NEMP2: variants seen among roughly 807,000 people sequenced by gnomAD.
The protein encoded by NEMP2 is UPF0571 transmembrane protein.
A neutral mutation model predicts 54.2 loss-of-function variants in NEMP2; 53 were observed. That is an observed-to-expected ratio of 0.98 (90% CI 0.78 to 1.23). NEMP2 has a LOEUF of 1.23. NEMP2 is among the 50% of genes most tolerant of loss of function. The probability of loss-of-function intolerance (pLI) is 0.00; values close to 1 mark genes in which losing one functional copy is unlikely to be tolerated. For missense variants in NEMP2, 455 were observed against 511.3 expected, an observed-to-expected ratio of 0.89 and a Z score of 1.06; for synonymous variants, 197 against 190.3, an observed-to-expected ratio of 1.04 and a Z score of -0.29.
chr2:190,552,903 T>G, the NEMP2 span, among the ~76,000 whole-genome samples: 3 of 152,240 alleles, frequency 2.0e-5, no homozygotes, highest in Admixed American at 2.0e-4. Flanking sequence ...TTCAGTCTAC[T>G]GCTGGTATGG....
At chr2:190,482,903 T>TTTTTTTTTTTTTG in the NEMP2 span, among the ~76,000 whole-genome samples, 827 of 86,198 alleles carry the variant, frequency 9.6e-3, 293 homozygotes, top group East Asian at 0.016. Flanking sequence ...TTTTTTTTTT[T>TTTTTTTTTTTTTG]AGACGGAGTC....
In NEMP2 at chr2:190,534,566, C is replaced by T; in HGVS notation, c.90G>A (p.Ala30=). The T allele has an allele frequency of 3.6e-6, 5 of 1,401,380 alleles. No individual in the cohort carries two copies. The highest frequency in any genetic ancestry group is 3.0e-5 in the African/African-American group (2 of 66,436). The allele number at this position is 1,401,380 out of a possible 1,614,324, so 86.8% of individuals were successfully genotyped here. The stretch of plus-strand genomic sequence containing the variant: ...CCGCCGGTCCCGGGTTACCTGATAA[C>T]GCTGCCGCCGCCGCCTCCCCGCGCA... ...LPVRGEAAAA[A]LSVRRCKALK... The change falls in exon 1 of 9, where the codon GCG becomes GCA. Residue 30 remains alanine (A), a synonymous_variant. Transcript: ENST00000409150.
chr2:190,626,425 C>A, the NEMP2 span: 3 of 152,140 alleles, frequency 2.0e-5, no homozygotes, highest in South Asian at 2.1e-4. This position sits in a 1 kb window ranked among gnomAD's most constrained non-coding sequence, Gnocchi z 4.5. Flanking sequence ...CTGAGGAATG[C>A]CCTTTTATAT....
the NEMP2 span, among the ~76,000 whole-genome samples, chr2:190,621,057 T>G: frequency 4.5e-3 from 487 of 108,880 alleles, 6 homozygotes; most frequent in African/African-American, 0.017. Context: ...GTAAAAGATC[T>G]AAAAGATCTA....
chr2:190,436,228 G>T, the NEMP2 span: 1 of 1,614,000 alleles, frequency 6.2e-7, no homozygotes, highest in South Asian at 1.1e-5. This position sits in a 1 kb window ranked among gnomAD's most constrained non-coding sequence, Gnocchi z 5.3. Flanking sequence ...GATAAACAAC[G>T]ATCTTCTAAT....
At chr2:190,589,433 T>C in the NEMP2 span, among the ~76,000 whole-genome samples, 3 of 152,192 alleles carry the variant, frequency 2.0e-5, no homozygotes, top group Admixed American at 6.5e-5. The surrounding 1 kb of genome is among the most constrained non-coding windows in gnomAD (Gnocchi z 4.3). Flanking sequence ...ACTAGTCAAA[T>C]GTGATGAAAA....
the NEMP2 span, chr2:190,646,636 T>C: frequency 6.6e-6 from 1 of 152,238 alleles, no homozygotes; most frequent in Non-Finnish European, 1.5e-5. Context: ...CCATTCTTAA[T>C]GTGGGAAGAA....
the NEMP2 span, among the ~76,000 whole-genome samples, chr2:190,498,670 G>A: frequency 2.6e-5 from 4 of 152,170 alleles, no homozygotes; most frequent in African/African-American, 7.2e-5. This position sits in a 1 kb window ranked among gnomAD's most constrained non-coding sequence, Gnocchi z 5.9. Flanking sequence ...AGATATTGTG[G>A]TGGGAGATGC....
At chr2:190,487,778 C>G in the NEMP2 span, among the ~76,000 whole-genome samples, 3 of 152,186 alleles carry the variant, frequency 2.0e-5, no homozygotes, top group African/African-American at 7.2e-5. This position sits in a 1 kb window ranked among gnomAD's most constrained non-coding sequence, Gnocchi z 5.5. Flanking sequence ...TTGGATCTCT[C>G]ATACAGTTCA....
chr2:190,599,153 T>A, the NEMP2 span, among the ~76,000 whole-genome samples: 2 of 152,216 alleles, frequency 1.3e-5, no homozygotes, highest in Non-Finnish European at 2.9e-5. Context: ...GGTTAACTAC[T>A]GCAAAAGTTA....
At chr2:190,452,158 A>G in the NEMP2 span, among the ~76,000 whole-genome samples, 1 of 152,064 alleles carries the variant, frequency 6.6e-6, no homozygotes, top group African/African-American at 2.4e-5. Context: ...ATAAGTTTAA[A>G]AATCTCCAAT....
At chr2:190,480,484 T>G in the NEMP2 span, among the ~76,000 whole-genome samples, 13 of 152,376 alleles carry the variant, frequency 8.5e-5, no homozygotes, top group East Asian at 2.5e-3. Context: ...AATTTAAAGC[T>G]GAACCTTCAT....
chr2:190,526,368 A>G (rs1409546119), intron 1 of NEMP2, among the ~76,000 whole-genome samples: 1 of 151,530 alleles, frequency 6.6e-6, no homozygotes, highest in Non-Finnish European at 1.5e-5. Flanking sequence ...TCCAGGCACT[A>G]AGCGGGGAAG....
At chr2:190,428,282 A>G in the NEMP2 span, among the ~76,000 whole-genome samples, 2 of 152,230 alleles carry the variant, frequency 1.3e-5, no homozygotes, top group Admixed American at 6.5e-5. Context: ...AGCCATTAAA[A>G]TTATTCTGCA....
the NEMP2 span, among the ~76,000 whole-genome samples, chr2:190,430,833 C>A: frequency 6.9e-6 from 1 of 145,766 alleles, no homozygotes; most frequent in Non-Finnish European, 1.5e-5. Flanking sequence ...GGGCGGCCGG[C>A]CGGGCGGGGG....
the NEMP2 span, chr2:190,489,805 C>T: frequency 6.2e-7 from 1 of 1,614,134 alleles, no homozygotes; most frequent in Non-Finnish European, 8.5e-7. The surrounding 1 kb of genome is among the most constrained non-coding windows in gnomAD (Gnocchi z 6.6). Flanking sequence ...GCATGGCCTG[C>T]TTGGTGATCC....
downstream of NEMP2, chr2:190,501,313 G>A (rs1690011871): frequency 6.6e-6 from 1 of 152,142 alleles, no homozygotes; most frequent in Non-Finnish European, 1.5e-5. Flanking sequence ...ACTTTCCAAT[G>A]ACTAAAGAAA....
chr2:190,475,844 G>A, the NEMP2 span, among the ~76,000 whole-genome samples: 1 of 152,088 alleles, frequency 6.6e-6, no homozygotes, highest in Non-Finnish European at 1.5e-5. Flanking sequence ...AAACAGCATG[G>A]TACTGGTACC....
the NEMP2 span, among the ~76,000 whole-genome samples, chr2:190,474,132 G>A: frequency 8.4e-4 from 128 of 151,820 alleles, 2 homozygotes; most frequent in East Asian, 0.015. Flanking sequence ...CAAAATTGAC[G>A]CCCTAACATC....
Sources: gnomAD v4.1 joint callset for allele counts (sites outside exome capture counted in the v4.1 genomes callset) on GRCh38, gnomAD v4.1.1 for gene constraint, Gnocchi (gnomAD v3.1) non-coding constraint, MANE v1.5 for transcripts, NCBI Gene and HGNC (gene_info 2026-07-23, HGNC 2026-07-21) for gene names.